The following SELENOI variants were observed in gnomAD, a reference collection of about 807,000 sequenced individuals.
SELENOI encodes ethanolaminephosphotransferase 1.
Under a neutral mutation model 50.7 loss-of-function variants are expected in SELENOI, and 24 were observed. The ratio of observed to expected loss-of-function variants is 0.47; its 90% CI spans 0.34 to 0.67. The LOEUF is 0.67. SELENOI is among the 30% of genes least tolerant of loss of function. The probability of loss-of-function intolerance (pLI) is 0.01; values close to 1 mark genes in which losing one functional copy is unlikely to be tolerated. For missense variants in SELENOI, 352 were observed against 461.4 expected, an observed-to-expected ratio of 0.76 and a Z score of 2.17; for synonymous variants, 155 against 170.2, an observed-to-expected ratio of 0.91 and a Z score of 0.70.
intron 1 of SELENOI, among the ~76,000 whole-genome samples, chr2:26,361,901 G>A (rs549371250): frequency 2.0e-5 from 3 of 151,730 alleles, no homozygotes. Flanking sequence ...CAAATGATCC[G>A]CCCGCCTCGG....
At chr2:26,363,647 C>T (rs979650578) in intron 1 of SELENOI, among the ~76,000 whole-genome samples, 1 of 152,168 alleles carries the variant, frequency 6.6e-6, no homozygotes, top group East Asian at 1.9e-4. Flanking sequence ...CTTTAGACTT[C>T]CCCTATGATA....
chr2:26,377,667 A>G (rs1305644119), intron 6 of SELENOI, among the ~76,000 whole-genome samples: 6 of 151,842 alleles, frequency 4.0e-5, no homozygotes, highest in African/African-American at 1.2e-4. Flanking sequence ...TCAGCTGTAG[A>G]ATTTCCATTT....
Position 26,394,209 on chromosome 2 carries a change from G to A in SELENOI, c.*5106G>A, listed in dbSNP as rs1296342056. 2 of 152,108 alleles carry A rather than the reference G, an allele frequency of 1.3e-5. No homozygotes were observed. Among genetic ancestry groups the A allele is most frequent in the Non-Finnish European group, 2.9e-5 (2 of 68,028 alleles). 9.4% of individuals were successfully genotyped at this position (152,108 alleles called of 1,614,324 possible). On this transcript the variant is annotated 3_prime_UTR_variant, in exon 10 of 10. Coordinates refer to ENST00000260585, the MANE Select transcript of SELENOI (RefSeq NM_033505.4). This position sits in a 1 kb window ranked among gnomAD's most constrained non-coding sequence, Gnocchi z 4.1. ...AGTTCGACACCAACCTGAGCAACAT[G>A]GCGAAACCCCGTCTGTAATAAAAAT...
chr2:26,351,607 C>G (rs190779212), intron 1 of SELENOI, among the ~76,000 whole-genome samples: 1 of 152,216 alleles, frequency 6.6e-6, no homozygotes, highest in African/African-American at 2.4e-5. Context: ...CTGGGAACCA[C>G]AAGAAGTTAG....
At chr2:26,388,568 A>C (rs1179795998) in intron 9 of SELENOI, among the ~76,000 whole-genome samples, 1 of 152,172 alleles carries the variant, frequency 6.6e-6, no homozygotes, top group African/African-American at 2.4e-5. Flanking sequence ...TTGCCTTCCC[A>C]CTAGAGATAC....
intron 1 of SELENOI, among the ~76,000 whole-genome samples, chr2:26,348,395 T>G (rs1232464604): frequency 6.6e-6 from 1 of 152,238 alleles, no homozygotes; most frequent in Non-Finnish European, 1.5e-5. Flanking sequence ...GTAGTTTAAT[T>G]TATCTTCCCT....
In SELENOI at chr2:26,395,257, A is replaced by T. The variant is rs939499208; in HGVS notation, c.*6154A>T. 1 of 152,178 alleles carries T rather than the reference A, an allele frequency of 6.6e-6. No individual in the cohort carries two copies. Among genetic ancestry groups the T allele is most frequent in the African/African-American group, 2.4e-5 (1 of 41,416 alleles). 9.4% of individuals were successfully genotyped at this position (152,178 alleles called of 1,614,324 possible). On this transcript the variant is annotated 3_prime_UTR_variant, in exon 10 of 10. Coordinates refer to ENST00000260585, the MANE Select transcript of SELENOI (RefSeq NM_033505.4). ...TCAGCCTTTATCAGATAGTTTCTTC[A>T]TGTGGAGTTCATCTGCATGTGGCCC...
intron 6 of SELENOI, among the ~76,000 whole-genome samples, chr2:26,378,598 C>T (rs1466563619): frequency 1.3e-5 from 2 of 152,166 alleles, no homozygotes; most frequent in Admixed American, 6.5e-5. Flanking sequence ...CTGTGGCTTT[C>T]CATCATCTGG....
At chr2:26,346,319 C>T (rs1676752037) in intron 1 of SELENOI, 30 bp downstream of exon 1, 1 of 1,595,630 alleles carries the variant, frequency 6.3e-7, no homozygotes, top group Admixed American at 1.7e-5. Flanking sequence ...GCCCCTCTCC[C>T]TGCTCCCGGC....
chr2:26,378,109 A>G (rs575440119), intron 6 of SELENOI, among the ~76,000 whole-genome samples: 2 of 152,012 alleles, frequency 1.3e-5, no homozygotes, highest in East Asian at 3.9e-4. Context: ...GTGTCTGTGT[A>G]GTTTAGTGGT....
intron 9 of SELENOI, among the ~76,000 whole-genome samples, chr2:26,387,546 A>G (rs1677869776): frequency 6.6e-6 from 1 of 151,740 alleles, no homozygotes; most frequent in South Asian, 2.1e-4. Context: ...CAAAAAAAAA[A>G]TTAGCCAGAT....
At chr2:26,365,858 A>G (rs540373219) in intron 3 of SELENOI, among the ~76,000 whole-genome samples, 5 of 148,570 alleles carry the variant, frequency 3.4e-5, no homozygotes, top group Admixed American at 6.8e-5. Flanking sequence ...CTGGAGTACA[A>G]TGATGCCATC....
chr2:26,374,196 A>C (rs778808334), intron 5 of SELENOI, among the ~76,000 whole-genome samples: 1 of 152,236 alleles, frequency 6.6e-6, no homozygotes, highest in Non-Finnish European at 1.5e-5. Context: ...ATGTTATTGC[A>C]TGTTCATTTG....
At chr2:26,376,470 A>T (rs1677570258) in intron 6 of SELENOI, among the ~76,000 whole-genome samples, 1 of 152,202 alleles carries the variant, frequency 6.6e-6, no homozygotes, top group Non-Finnish European at 1.5e-5. Context: ...CATATTTTTT[A>T]ATGTTAAGTG....
rs1047578876 is a variant in SELENOI at position 26,395,788 on chromosome 2, A to G, written c.*6685A>G. 1.3e-5 allele frequency: 2 copies of G among 152,588 alleles called. No homozygotes were observed. The highest frequency in any genetic ancestry group is 6.5e-5 in the Admixed American group (1 of 15,272). 9.5% of individuals were successfully genotyped at this position (152,588 alleles called of 1,614,324 possible). ...TTGTTTCTGCTGCTGTGAAACCCCA[A>G]AGTAATGCAGTAGGTTTTAATTGAA... On this transcript the variant is annotated 3_prime_UTR_variant, in exon 10 of 10. Transcript: ENST00000260585.
In SELENOI at chr2:26,392,272, T is replaced by A. The variant is rs1191696448; in HGVS notation, c.*3169T>A. ...TTAAAGGGAAGAAGGGACTTTAACA[T>A]CCTATGAATTTGAAACATCCTATGA... On this transcript the variant is annotated 3_prime_UTR_variant, in exon 10 of 10. Transcript: ENST00000260585. 6.6e-6 allele frequency: 1 copy of A among 152,136 alleles called. No individual in the cohort carries two copies. Among genetic ancestry groups the A allele is most frequent in the African/African-American group, 2.4e-5 (1 of 41,426 alleles). The allele number at this position is 152,136 out of a possible 1,614,324, so 9.4% of individuals were successfully genotyped here. A position where few individuals can be genotyped will look rare whatever the true frequency, so the allele number is the denominator to read the frequency against.
At chr2:26,372,399 C>G (rs1024391621) in intron 4 of SELENOI, among the ~76,000 whole-genome samples, 14 of 152,224 alleles carry the variant, frequency 9.2e-5, no homozygotes, top group Non-Finnish European at 1.8e-4. Flanking sequence ...GCGTGAGCCA[C>G]CACACCCGGC....
chr2:26,363,568 G>C (rs185484112), intron 1 of SELENOI, among the ~76,000 whole-genome samples: 2 of 152,246 alleles, frequency 1.3e-5, no homozygotes, highest in Admixed American at 1.3e-4. Flanking sequence ...TTATCTTGGC[G>C]ATTTGGACTC....
chr2:26,350,664 G>T (rs1223005618), intron 1 of SELENOI, among the ~76,000 whole-genome samples: 2 of 152,168 alleles, frequency 1.3e-5, no homozygotes, highest in Non-Finnish European at 2.9e-5. Flanking sequence ...ACATGTAAAT[G>T]AACAGTTATA....
Sources: gnomAD v4.1 joint callset for allele counts (sites outside exome capture counted in the v4.1 genomes callset) on GRCh38, gnomAD v4.1.1 for gene constraint, Gnocchi (gnomAD v3.1) non-coding constraint, MANE v1.5 for transcripts, NCBI Gene and HGNC (gene_info 2026-07-23, HGNC 2026-07-21) for gene names.